Variants in TEX261 observed in about 807,000 individuals in gnomAD.
TEX261 encodes the protein protein TEX261.
TEX261 carries 13 observed loss-of-function variants against 25.1 expected under a neutral mutation model. The ratio of observed to expected loss-of-function variants is 0.52; its 90% CI spans 0.34 to 0.82. TEX261 has a LOEUF of 0.82. Ranked by LOEUF, TEX261 falls within the 40% of genes least tolerant of loss-of-function variation. The pLI, the probability that TEX261 is intolerant of heterozygous loss-of-function variation, is 0.02. For missense variants in TEX261, 206 were observed against 243.2 expected (o/e 0.85, Z 1.02); for synonymous variants, 92 against 97.8 (o/e 0.94, Z 0.35).
chr2:70,989,076 GTGGTGA>G, intron 4 of TEX261, 59 bp from the exon 5 acceptor site: 1 of 1,445,318 alleles, frequency 6.9e-7, no homozygotes, highest in Non-Finnish European at 9.6e-7. Flanking sequence ...TGGGCTGGGT[GTGGTGA>G]CTGCGTGTTG....
chr2:70,989,814 G>T lies in TEX261; in HGVS notation c.307C>A (p.Leu103Ile). 6.2e-7 allele frequency: 1 copy of T among 1,610,084 alleles called. No homozygotes were observed. The highest frequency in any genetic ancestry group is 8.5e-7 in the Non-Finnish European group (1 of 1,176,388). ...TSPNFILSCG[L>I]VVVNHYLAFQ... ...GCTAGGTAATGATTCACCACCACTA[G>T]TCCTGTTGAGGGAATGAAGAGTCAG... is the stretch of plus-strand genomic sequence containing the variant. Residue 103 changes from leucine (L) to isoleucine (I), a missense_variant and splice_region_variant, in exon 4 of 6, where the codon CTA (leucine) becomes ATA (isoleucine). By Grantham distance (5) the Leu-to-Ile change is conservative. Coordinates refer to ENST00000272438, the MANE Select transcript of TEX261 (RefSeq NM_144582.3).
intron 2 of TEX261, 30 bp from the exon 3 acceptor site, chr2:70,992,013 G>T (rs1465160569): frequency 1.3e-6 from 2 of 1,544,700 alleles, no homozygotes; most frequent in Non-Finnish European, 1.7e-6. Flanking sequence ...ACAGTGCAGG[G>T]CGCTTCTTCC....
In TEX261 at chr2:70,991,954, G is replaced by A. The variant is rs199620224; in HGVS notation, c.180C>T (p.Tyr60=). The A allele has an allele frequency of 2.1e-4, 336 of 1,611,714 alleles. No homozygotes were observed. Among genetic ancestry groups the A allele is most frequent in the Non-Finnish European group, 2.7e-4 (318 of 1,178,636 alleles). The change falls in exon 3 of 6, where the codon TAC becomes TAT. Residue 60 remains tyrosine, a synonymous_variant. Coordinates refer to ENST00000272438, the MANE Select transcript of TEX261 (RefSeq NM_144582.3). ...TGCTGGTGGGGAAGCGCTCAAAGAC[G>A]TAGAGGCCAATCAGTACAGCGGTGG... is the stretch of plus-strand genomic sequence containing the variant. The part of the protein sequence containing the change: ...WFSTAVLIGL[Y]VFERFPTSMI...
At chr2:70,990,903 A>T (rs1158905685) in intron 3 of TEX261, among the ~76,000 whole-genome samples, 1 of 152,188 alleles carries the variant, frequency 6.6e-6, no homozygotes, top group African/African-American at 2.4e-5. Context: ...TCTGCTGAAC[A>T]AATTCTTTGG....
intron 1 of TEX261, 77 bp from the exon 2 acceptor site, chr2:70,993,852 G>T: frequency 8.7e-7 from 1 of 1,151,350 alleles, no homozygotes; most frequent in Non-Finnish European, 1.3e-6. Flanking sequence ...CTGCAGCCCA[G>T]TCCCCATCCA....
intron 2 of TEX261, among the ~76,000 whole-genome samples, chr2:70,992,969 A>C (rs1670332143): frequency 6.6e-6 from 1 of 152,234 alleles, no homozygotes. Flanking sequence ...AGGGCTAATT[A>C]CTGTGCCAAC....
rs1286451724 is a variant in TEX261, at chr2:70,987,188, A to C, written c.*1412T>G. 2 of 152,176 alleles carry C rather than the reference A, an allele frequency of 1.3e-5. No homozygotes were observed. Among genetic ancestry groups the C allele is most frequent in the Non-Finnish European group, 2.9e-5 (2 of 68,060 alleles). The allele number at this position is 152,176 out of a possible 1,614,324, so 9.4% of individuals were successfully genotyped here. ...GCTGCCAGTATCCCCTGCCTTGTCT[A>C]TCCTGGTGTGCATAGGAGAAAAGGG... is the stretch of plus-strand genomic sequence containing the variant. On this transcript the variant is annotated 3_prime_UTR_variant, in exon 6 of 6. Transcript: ENST00000272438.
At chr2:70,993,851 A>G in intron 1 of TEX261, 76 bp from the exon 2 acceptor site, 1 of 1,164,146 alleles carries the variant, frequency 8.6e-7, no homozygotes, top group South Asian at 1.2e-5. Flanking sequence ...TCTGCAGCCC[A>G]GTCCCCATCC....
In TEX261 at chr2:70,994,794, G is replaced by C. The variant is rs782571950; in HGVS notation, c.-37C>G. 2 of 1,507,016 alleles carry C rather than the reference G, an allele frequency of 1.3e-6. No homozygotes were observed. The highest frequency in any genetic ancestry group is 2.9e-5 in the African/African-American group (2 of 69,422). The allele number at this position is 1,507,016 out of a possible 1,614,324, so 93.4% of individuals were successfully genotyped here. A position where few individuals can be genotyped will look rare whatever the true frequency, so the allele number is the denominator to read the frequency against. On this transcript the variant is annotated 5_prime_UTR_variant, in exon 1 of 6. Coordinates refer to ENST00000272438, the MANE Select transcript of TEX261 (RefSeq NM_144582.3). ...CCGCCCGCTCCCCGGCCACCGGGAC[G>C]GGCCTGCGCGCTTCGGCTCCGGCGA... is the stretch of plus-strand genomic sequence containing the variant.
chr2:70,994,524 C>T, intron 1 of TEX261, 164 bp downstream of exon 1: 3 of 1,022,430 alleles, frequency 2.9e-6, no homozygotes, highest in South Asian at 1.6e-5. Flanking sequence ...GGCTGCCAGG[C>T]TCGACAGGAG....
intron 3 of TEX261, among the ~76,000 whole-genome samples, chr2:70,990,429 G>GACAC (rs60269609): frequency 3.3e-5 from 5 of 150,882 alleles, no homozygotes; most frequent in South Asian, 2.1e-4. Flanking sequence ...ATACGTTCTG[G>GACAC]ACACACACAC....
At position 70,987,824 on chromosome 2, in the gene TEX261, A is replaced by G. The variant is rs1035576724; in HGVS notation, c.*776T>C. 4 of 152,286 alleles carry G rather than the reference A, an allele frequency of 2.6e-5. No homozygotes were observed. Among genetic ancestry groups the G allele is most frequent in the Non-Finnish European group, 4.4e-5 (3 of 68,044 alleles). The allele number at this position is 152,286 out of a possible 1,614,324, so 9.4% of individuals were successfully genotyped here. A position where few individuals can be genotyped will look rare whatever the true frequency, so the allele number is the denominator to read the frequency against. Reference sequence around the variant, plus strand: ...AGATGTTCTTCTGAAAATCTAGCCCAGTCCTAAATTGTCCCCTCTCCTACT... The same window carrying G: ...AGATGTTCTTCTGAAAATCTAGCCCGGTCCTAAATTGTCCCCTCTCCTACT... On this transcript the variant is annotated 3_prime_UTR_variant, in exon 6 of 6. Coordinates refer to ENST00000272438, the MANE Select transcript of TEX261 (RefSeq NM_144582.3).
At chr2:70,993,848 CCCA>C in intron 1 of TEX261, 73 bp from the exon 2 acceptor site, 1 of 1,191,576 alleles carries the variant, frequency 8.4e-7, no homozygotes, top group East Asian at 2.3e-5. Flanking sequence ...CTCTCTGCAG[CCCA>C]GTCCCCATCC....
chr2:70,990,347 G>A (rs1670279220), intron 3 of TEX261, among the ~76,000 whole-genome samples: 1 of 152,196 alleles, frequency 6.6e-6, no homozygotes, highest in Non-Finnish European at 1.5e-5. Flanking sequence ...GCAGTCTTCA[G>A]GTTCCTCAAC....
In TEX261 at chr2:70,988,127, G is replaced by C. The variant is rs1670224655; in HGVS notation, c.*473C>G. The C allele has an allele frequency of 1.2e-5, 2 of 172,724 alleles. No homozygotes were observed. The highest frequency in any genetic ancestry group is 2.5e-5 in the Non-Finnish European group (2 of 79,492). The allele number at this position is 172,724 out of a possible 1,614,324, so 10.7% of individuals were successfully genotyped here. A position where few individuals can be genotyped will look rare whatever the true frequency, so the allele number is the denominator to read the frequency against. ...GTATTAAGGCAAACAGTGCCACCTAGAAGCGAAGCTTTATTCAAACGGAAA... is the reference window on the plus strand; with the variant it reads ...GTATTAAGGCAAACAGTGCCACCTACAAGCGAAGCTTTATTCAAACGGAAA... On this transcript the variant is annotated 3_prime_UTR_variant, in exon 6 of 6. Transcript: ENST00000272438.
chr2:70,994,655 G>C, intron 1 of TEX261, 33 bp downstream of exon 1: 2 of 1,571,784 alleles, frequency 1.3e-6, no homozygotes, highest in Non-Finnish European at 1.7e-6. Flanking sequence ...GCCGGGGCGG[G>C]AGCCCGCGCG....
intron 4 of TEX261, 57 bp from the exon 5 acceptor site, chr2:70,989,074 G>GT: frequency 6.8e-7 from 1 of 1,466,520 alleles, no homozygotes; most frequent in African/African-American, 1.4e-5. Flanking sequence ...AGTGGGCTGG[G>GT]TGTGGTGACT....
At position 70,994,852 on chromosome 2, in the gene TEX261, G is replaced by A. The variant is rs1432749602; in HGVS notation, c.-95C>T. On this transcript the variant is annotated 5_prime_UTR_variant, in exon 1 of 6. It adds an upstream start codon to the 5' untranslated region. Coordinates refer to ENST00000272438, the MANE Select transcript of TEX261 (RefSeq NM_144582.3). Reference sequence around the variant, plus strand: ...CCGCCACCGCCGCCGCCGCCGCCGCGTCCCCGCCCCGCGGACGACAGGACG... The same window carrying A: ...CCGCCACCGCCGCCGCCGCCGCCGCATCCCCGCCCCGCGGACGACAGGACG... 8.2e-7 allele frequency: 1 copy of A among 1,222,880 alleles called. No homozygotes were observed. The highest frequency in any genetic ancestry group is 1.0e-6 in the Non-Finnish European group (1 of 978,284). The allele number at this position is 1,222,880 out of a possible 1,614,324, so 75.8% of individuals were successfully genotyped here.
chr2:70,987,185 T>A lies in TEX261; in HGVS notation c.*1415A>T, dbSNP rs1448531645. The A allele has an allele frequency of 1.3e-5, 2 of 152,116 alleles. No homozygotes were observed. Among genetic ancestry groups the A allele is most frequent in the Non-Finnish European group, 2.9e-5 (2 of 68,044 alleles). 9.4% of individuals were successfully genotyped at this position (152,116 alleles called of 1,614,324 possible). A position where few individuals can be genotyped will look rare whatever the true frequency, so the allele number is the denominator to read the frequency against. ...CAGGCTGCCAGTATCCCCTGCCTTG[T>A]CTATCCTGGTGTGCATAGGAGAAAA... On this transcript the variant is annotated 3_prime_UTR_variant, in exon 6 of 6. Coordinates refer to ENST00000272438, the MANE Select transcript of TEX261 (RefSeq NM_144582.3).
Sources: allele counts gnomAD v4.1 joint callset (sites outside exome capture counted in the v4.1 genomes callset), GRCh38; gene constraint gnomAD v4.1.1; transcripts MANE v1.5; gene names NCBI Gene and HGNC (gene_info 2026-07-23, HGNC 2026-07-21).